Variants in LRRTM4 observed in about 807,000 individuals in gnomAD.
The protein encoded by LRRTM4 is leucine rich repeat transmembrane neuronal 4, also known as leucine-rich repeat transmembrane neuronal protein 4.
Under a neutral mutation model 47.6 loss-of-function variants are expected in LRRTM4, and 25 were observed. The observed-to-expected ratio is 0.53, with a 90% CI of 0.38 to 0.73. The LOEUF (loss-of-function observed/expected upper bound fraction) is 0.73. Among genes scored for constraint, LRRTM4 ranks in the 30% least tolerant of loss-of-function variants. The pLI, the probability that LRRTM4 is intolerant of heterozygous loss-of-function variation, is 0.00. For missense variants in LRRTM4, 638 were observed against 713.4 expected, an observed-to-expected ratio of 0.89 and a Z score of 1.20; for synonymous variants, 311 against 269.5, an observed-to-expected ratio of 1.15 and a Z score of -1.51.
chr2:76,999,932 G>T (rs781199299), intron 3 of LRRTM4, among the ~76,000 whole-genome samples: 40 of 152,116 alleles, frequency 2.6e-4, no homozygotes, highest in Non-Finnish European at 4.7e-4. Flanking sequence ...GTGCACAAGG[G>T]CAGAGTGACA....
chr2:77,175,799 T>C (rs72807295), intron 3 of LRRTM4, among the ~76,000 whole-genome samples: 11,594 of 139,546 alleles, frequency 0.083, 618 homozygotes, highest in East Asian at 0.24. Flanking sequence ...ATGTTGGTTC[T>C]GATCACCTCA....
chr2:77,422,770 G>A (rs1674952593), intron 3 of LRRTM4, among the ~76,000 whole-genome samples: 1 of 152,188 alleles, frequency 6.6e-6, no homozygotes, highest in South Asian at 2.1e-4. Flanking sequence ...TATGATGTTG[G>A]TAGCTGGTTC....
intron 3 of LRRTM4, among the ~76,000 whole-genome samples, chr2:77,363,035 C>T (rs1672300736): frequency 6.6e-6 from 1 of 151,872 alleles, no homozygotes; most frequent in African/African-American, 2.4e-5. Context: ...AACATTGAGG[C>T]AAAAAGAAAA....
rs1679382798 is a variant in LRRTM4, at chr2:77,519,388, T to C, written c.481A>G (p.Ile161Val). ...EQFKGLRKLI[I>V]LHLRSNSLKT... Reference sequence around the variant, plus strand: ...AGTGAGTTAGATCTCAAGTGCAAAATGATGAGTTTCCGAAGGCCTTTAAAT... The same window carrying C: ...AGTGAGTTAGATCTCAAGTGCAAAACGATGAGTTTCCGAAGGCCTTTAAAT... Residue 161 changes from isoleucine (I) to valine (V), a missense_variant, in exon 3 of 4, where the codon ATT (isoleucine) becomes GTT (valine). Coordinates refer to ENST00000409884, the MANE Select transcript of LRRTM4 (RefSeq NM_001134745.3). The surrounding 1 kb of genome is among the most constrained non-coding windows in gnomAD (Gnocchi z 4.6). The C allele has an allele frequency of 1.9e-6, 3 of 1,613,236 alleles. No individual in the cohort carries two copies. The highest frequency in any genetic ancestry group is 3.3e-5 in the Admixed American group (2 of 59,866).
At chr2:76,940,191 T>G (rs1191393225) in intron 3 of LRRTM4, among the ~76,000 whole-genome samples, 4 of 152,154 alleles carry the variant, frequency 2.6e-5, no homozygotes, top group South Asian at 2.1e-4. Flanking sequence ...CATACATATG[T>G]ATGTTCATGG....
At chr2:76,777,619 G>A (rs1288533933) in intron 3 of LRRTM4, among the ~76,000 whole-genome samples, 1 of 149,938 alleles carries the variant, frequency 6.7e-6, no homozygotes, top group Non-Finnish European at 1.5e-5. Flanking sequence ...TGTATCCTGA[G>A]ACTTTGCTGA....
chr2:77,414,349 G>C (rs1309466340), intron 3 of LRRTM4, among the ~76,000 whole-genome samples: 2 of 151,990 alleles, frequency 1.3e-5, no homozygotes, highest in Non-Finnish European at 2.9e-5. Flanking sequence ...ATTTAGTCTG[G>C]TACATACTAC....
At chr2:77,426,393 T>G (rs1292344707) in intron 3 of LRRTM4, among the ~76,000 whole-genome samples, 1 of 152,150 alleles carries the variant, frequency 6.6e-6, no homozygotes, top group Non-Finnish European at 1.5e-5. Context: ...TCCATCACAT[T>G]GATCAGATAT....
At chr2:77,080,254 G>C (rs1680488041) in intron 3 of LRRTM4, among the ~76,000 whole-genome samples, 1 of 152,032 alleles carries the variant, frequency 6.6e-6, no homozygotes, top group South Asian at 2.1e-4. Context: ...TACATAACTG[G>C]TTGGTTGTTT....
At chr2:77,286,428 T>C (rs1276102223) in intron 3 of LRRTM4, among the ~76,000 whole-genome samples, 1 of 151,886 alleles carries the variant, frequency 6.6e-6, no homozygotes. Context: ...TAATTAAAAA[T>C]AGTTAAAATC....
chr2:77,021,938 C>T (rs1290828052), intron 3 of LRRTM4, among the ~76,000 whole-genome samples: 1 of 152,086 alleles, frequency 6.6e-6, no homozygotes, highest in Admixed American at 6.6e-5. Context: ...AATTTGTTCA[C>T]CTTATAACTG....
chr2:77,047,895 T>A (rs979634367), intron 3 of LRRTM4, among the ~76,000 whole-genome samples: 3 of 152,050 alleles, frequency 2.0e-5, no homozygotes, highest in Admixed American at 2.0e-4. Flanking sequence ...TTTGTCAAGT[T>A]TGGGGTTGAG....
chr2:77,117,715 T>C (rs1167773068), intron 3 of LRRTM4, among the ~76,000 whole-genome samples: 1 of 151,984 alleles, frequency 6.6e-6, no homozygotes, highest in African/African-American at 2.4e-5. Context: ...AATTCACAAA[T>C]TGTATACACA....
At chr2:77,367,787 C>T (rs1672516448) in intron 3 of LRRTM4, among the ~76,000 whole-genome samples, 1 of 151,788 alleles carries the variant, frequency 6.6e-6, no homozygotes, top group Non-Finnish European at 1.5e-5. Flanking sequence ...CTCATCCATT[C>T]AATCATTTAT....
At chr2:76,895,424 G>A (rs556281666) in intron 3 of LRRTM4, among the ~76,000 whole-genome samples, 155 of 152,122 alleles carry the variant, frequency 1.0e-3, no homozygotes, top group Non-Finnish European at 1.7e-3. Context: ...GCTCACAAAT[G>A]TTGTCAGAAC....
At chr2:77,210,252 CT>C (rs1674254738) in intron 3 of LRRTM4, among the ~76,000 whole-genome samples, 2 of 152,146 alleles carry the variant, frequency 1.3e-5, no homozygotes, top group Admixed American at 1.3e-4. Flanking sequence ...AACATTTCTG[CT>C]TCTTATCTCA....
intron 3 of LRRTM4, among the ~76,000 whole-genome samples, chr2:77,190,281 G>A (rs899108508): frequency 6.3e-5 from 9 of 143,108 alleles, no homozygotes; most frequent in Non-Finnish European, 1.0e-4. Context: ...TCTAAACAGA[G>A]CATTTTCATC....
In LRRTM4 at chr2:76,919,211, A is replaced by G. The variant is rs530696416; in HGVS notation, c.1552-170295T>C. ...AGGTTGGCAGTGGGAGTTCAATCAT[A>G]TACGCACCTAACACCTTTGTGAGTC... On this transcript the variant is annotated intron_variant, in intron 3 of 3. Transcript: ENST00000409884. Among the ~76,000 whole-genome samples, 4 of 152,278 alleles carry G rather than the reference A, an allele frequency of 2.6e-5. No individual in the cohort carries two copies. In the South Asian group the frequency reaches 6.2e-4, roughly 24 times the overall value.
intron 3 of LRRTM4, among the ~76,000 whole-genome samples, chr2:77,132,667 G>A (rs1046589973): frequency 6.6e-6 from 1 of 152,160 alleles, no homozygotes; most frequent in East Asian, 1.9e-4. Flanking sequence ...AGAGCAAAAA[G>A]GGCAGAATGC....
Sources: gnomAD v4.1 joint callset for allele counts (sites outside exome capture counted in the v4.1 genomes callset) on GRCh38, gnomAD v4.1.1 for gene constraint, Gnocchi (gnomAD v3.1) non-coding constraint, MANE v1.5 for transcripts, NCBI Gene and HGNC (gene_info 2026-07-23, HGNC 2026-07-21) for gene names.